ZSWIM6: variants seen among roughly 807,000 people sequenced by gnomAD.
The protein encoded by ZSWIM6 is zinc finger SWIM-type containing 6, also known as zinc finger SWIM domain-containing protein 6.
A neutral mutation model predicts 113.2 loss-of-function variants in ZSWIM6; 9 were observed. The observed-to-expected ratio is 0.08, with a 90% CI of 0.05 to 0.14. ZSWIM6 has a LOEUF of 0.14. Among genes scored for constraint, ZSWIM6 ranks in the 10% least tolerant of loss-of-function variants. The pLI is 1.00. For missense variants in ZSWIM6, 1,162 were observed against 1,552.2 expected (o/e 0.75, Z 4.22); for synonymous variants, 611 against 606.5 (o/e 1.01, Z -0.11).
At chr5:61,500,286 C>T (rs959824574) in intron 4 of ZSWIM6, among the ~76,000 whole-genome samples, 2 of 151,914 alleles carry the variant, frequency 1.3e-5, no homozygotes, top group Non-Finnish European at 2.9e-5. Flanking sequence ...GTTGCCACAC[C>T]TGGCTAATTT....
chr5:61,362,856 A>C (rs1269105561), intron 1 of ZSWIM6, among the ~76,000 whole-genome samples: 1 of 152,248 alleles, frequency 6.6e-6, no homozygotes, highest in Non-Finnish European at 1.5e-5. Context: ...GTAAAGTAAG[A>C]AAATTTACAT....
Position 61,543,639 on chromosome 5 carries a change from G to T in ZSWIM6, c.2970G>T (p.Lys990Asn). 1 of 1,551,768 alleles carries T rather than the reference G, an allele frequency of 6.4e-7. No homozygotes were observed. The highest frequency in any genetic ancestry group is 8.7e-7 in the Non-Finnish European group (1 of 1,147,012). ...CACTTGCACTGCAGTGTGCCATGAA[G>T]GATCCACAGAACTGTGCCCTCTCTG... is the stretch of plus-strand genomic sequence containing the variant. ...ARTLALQCAM[K>N]DPQNCALSAL... is the part of the protein sequence containing the mutation. Residue 990 changes from lysine to asparagine, a missense_variant, in exon 14 of 14, where the codon AAG becomes AAT. Physicochemically the swap from Lys to Asn is moderately conservative, Grantham distance 94 (BLOSUM62 0). Transcript: ENST00000252744. The surrounding 1 kb of genome is among the most constrained non-coding windows in gnomAD (Gnocchi z 4.3).
At chr5:61,338,992 CT>C (rs1012455941) in intron 1 of ZSWIM6, among the ~76,000 whole-genome samples, 32 of 152,022 alleles carry the variant, frequency 2.1e-4, no homozygotes, top group Non-Finnish European at 4.3e-4. Flanking sequence ...TCCTGGGCCT[CT>C]TTTTTTTCCA....
intron 2 of ZSWIM6, among the ~76,000 whole-genome samples, chr5:61,477,439 C>T (rs527761101): frequency 2.0e-5 from 3 of 152,156 alleles, no homozygotes; most frequent in Non-Finnish European, 4.4e-5. Context: ...TGTGTCTTTG[C>T]TGGTGGTTAT....
chr5:61,513,388 G>A (rs1005624770), intron 4 of ZSWIM6, among the ~76,000 whole-genome samples: 31 of 152,004 alleles, frequency 2.0e-4, no homozygotes, highest in Admixed American at 1.9e-3. Flanking sequence ...TTTATCACAT[G>A]TACAAGTTGC....
chr5:61,378,807 C>T (rs527789603), intron 1 of ZSWIM6, among the ~76,000 whole-genome samples: 3 of 152,240 alleles, frequency 2.0e-5, no homozygotes, highest in South Asian at 4.1e-4. Flanking sequence ...CTGCCCACCT[C>T]GGCCTCCCAA....
Position 61,545,553 on chromosome 5 carries a change from G to A in ZSWIM6, c.*1236G>A, listed in dbSNP as rs1749865637. 2 of 152,074 alleles carry A rather than the reference G, an allele frequency of 1.3e-5. 1 individual carries two copies. Among genetic ancestry groups the A allele is most frequent in the South Asian group, 4.1e-4 (2 of 4,826 alleles). The allele number at this position is 152,074 out of a possible 1,614,324, so 9.4% of individuals were successfully genotyped here. A position where few individuals can be genotyped will look rare whatever the true frequency, so the allele number is the denominator to read the frequency against. ...GAGCTAATAATAAGCTAACCTTTGT[G>A]CACAAATAACATTATATATATTATA... On this transcript the variant is annotated 3_prime_UTR_variant, in exon 14 of 14. Transcript: ENST00000252744.
chr5:61,351,044 AT>A (rs1417686843), intron 1 of ZSWIM6, among the ~76,000 whole-genome samples: 1 of 152,240 alleles, frequency 6.6e-6, no homozygotes, highest in Non-Finnish European at 1.5e-5. Flanking sequence ...TTTTAAAAAA[AT>A]CTGTCTCATT....
At chr5:61,408,777 G>T (rs566113987) in intron 1 of ZSWIM6, among the ~76,000 whole-genome samples, 1 of 152,362 alleles carries the variant, frequency 6.6e-6, no homozygotes, top group Admixed American at 6.5e-5. Context: ...ACAGCTGAGG[G>T]CTTTCGAAGC....
At chr5:61,426,693 C>G (rs577929957) in intron 1 of ZSWIM6, among the ~76,000 whole-genome samples, 1 of 152,008 alleles carries the variant, frequency 6.6e-6, no homozygotes, top group Non-Finnish European at 1.5e-5. Context: ...TCCTTTACTC[C>G]GGAGTACTTT....
intron 1 of ZSWIM6, among the ~76,000 whole-genome samples, chr5:61,421,310 A>G (rs1485516921): frequency 6.6e-6 from 1 of 151,974 alleles, no homozygotes; most frequent in Non-Finnish European, 1.5e-5. Flanking sequence ...TCTCTTAATG[A>G]GTTCAGTTGT....
intron 2 of ZSWIM6, among the ~76,000 whole-genome samples, chr5:61,481,116 G>C (rs1409988009): frequency 6.6e-6 from 1 of 152,134 alleles, no homozygotes. Context: ...AGATGAAGAT[G>C]TTAACTTTGT....
intron 1 of ZSWIM6, among the ~76,000 whole-genome samples, chr5:61,336,874 C>G (rs1291546042): frequency 6.6e-6 from 1 of 152,108 alleles, no homozygotes; most frequent in Non-Finnish European, 1.5e-5. Flanking sequence ...AGAAAACTTA[C>G]AAAAATTGTC....
At chr5:61,341,013 G>C (rs186213165) in intron 1 of ZSWIM6, among the ~76,000 whole-genome samples, 1 of 152,334 alleles carries the variant, frequency 6.6e-6, no homozygotes, top group East Asian at 1.9e-4. Flanking sequence ...GCAAGTCCTT[G>C]AATAACATTG....
chr5:61,432,721 G>A (rs775932876), intron 1 of ZSWIM6, among the ~76,000 whole-genome samples: 17 of 152,212 alleles, frequency 1.1e-4, no homozygotes, highest in Non-Finnish European at 1.8e-4. Flanking sequence ...TCCAGATACT[G>A]TCTACTGACA....
chr5:61,375,552 G>A, intron 1 of ZSWIM6: 2 of 1,546,050 alleles, frequency 1.3e-6, no homozygotes, highest in Non-Finnish European at 1.8e-6. Flanking sequence ...AAAGCTCCAT[G>A]TCAGAAACTG....
At chr5:61,398,222 G>A (rs79535748) in intron 1 of ZSWIM6, among the ~76,000 whole-genome samples, 3,755 of 152,258 alleles carry the variant, frequency 0.025, 162 homozygotes, top group South Asian at 0.18. Flanking sequence ...AGGCAATTGA[G>A]CATTACTGCC....
At chr5:61,418,780 A>G (rs114327829) in intron 1 of ZSWIM6, among the ~76,000 whole-genome samples, 337 of 152,296 alleles carry the variant, frequency 2.2e-3, no homozygotes, top group Non-Finnish European at 3.8e-3. Flanking sequence ...TGTTTACTTT[A>G]CGAGACACCT....
chr5:61,387,239 A>G (rs1745607364), intron 1 of ZSWIM6, among the ~76,000 whole-genome samples: 1 of 152,248 alleles, frequency 6.6e-6, no homozygotes. Context: ...GCATATTTAT[A>G]TAAGTTGCCT....
Sources: allele counts gnomAD v4.1 joint callset (sites outside exome capture counted in the v4.1 genomes callset), GRCh38; gene constraint gnomAD v4.1.1; non-coding constraint Gnocchi (gnomAD v3.1); transcripts MANE v1.5; gene names NCBI Gene and HGNC (gene_info 2026-07-23, HGNC 2026-07-21).